CDH12: variants seen among roughly 807,000 people sequenced by gnomAD.
CDH12 encodes the protein cadherin 12.
In CDH12, 41 loss-of-function variants were observed where a neutral mutation model predicts 74.1. That is an observed-to-expected ratio of 0.55 (90% CI 0.43 to 0.72). The LOEUF (loss-of-function observed/expected upper bound fraction) is 0.72, where lower values mean the gene tolerates loss of function less well. Among genes scored for constraint, CDH12 ranks in the 30% least tolerant of loss-of-function variants. The pLI, the probability that CDH12 is intolerant of heterozygous loss-of-function variation, is 0.00. For missense variants in CDH12, 945 were observed against 977.2 expected, an observed-to-expected ratio of 0.97 and a Z score of 0.44; for synonymous variants, 399 against 355.0, an observed-to-expected ratio of 1.12 and a Z score of -1.39.
intron 1 of CDH12, among the ~76,000 whole-genome samples, chr5:22,713,555 C>T (rs943953706): frequency 2.1e-4 from 32 of 151,272 alleles, no homozygotes; most frequent in African/African-American, 7.8e-4. Flanking sequence ...ATGAAAAATG[C>T]TGGAAAAATG....
intron 1 of CDH12, among the ~76,000 whole-genome samples, chr5:22,630,135 G>A (rs1257603340): frequency 6.6e-6 from 1 of 151,970 alleles, no homozygotes; most frequent in Non-Finnish European, 1.5e-5. Flanking sequence ...AAAACATTCA[G>A]TGCTCATGGA....
At chr5:22,042,033 T>C (rs1395897040) in intron 5 of CDH12, among the ~76,000 whole-genome samples, 2 of 151,244 alleles carry the variant, frequency 1.3e-5, no homozygotes, top group Non-Finnish European at 3.0e-5. Context: ...ACACAGAAAA[T>C]CAACAACATA....
intron 2 of CDH12, among the ~76,000 whole-genome samples, chr5:22,450,538 C>A (rs1288102561): frequency 6.6e-6 from 1 of 151,958 alleles, no homozygotes; most frequent in African/African-American, 2.4e-5. Flanking sequence ...ATATCATAGT[C>A]TCACTGTATC....
intron 1 of CDH12, among the ~76,000 whole-genome samples, chr5:22,823,586 C>A (rs1749841955): frequency 2.0e-5 from 3 of 152,028 alleles, no homozygotes; most frequent in Admixed American, 2.0e-4. Flanking sequence ...CATACTAATA[C>A]AAATCCTGAT....
intron 3 of CDH12, among the ~76,000 whole-genome samples, chr5:22,343,953 T>A (rs1236641665): frequency 6.6e-6 from 1 of 152,204 alleles, no homozygotes; most frequent in Admixed American, 6.5e-5. Context: ...TTATTTAGGA[T>A]AACAAGCTGA....
At chr5:21,825,668 A>C (rs1748629770) in intron 8 of CDH12, among the ~76,000 whole-genome samples, 1 of 152,154 alleles carries the variant, frequency 6.6e-6, no homozygotes, top group Non-Finnish European at 1.5e-5. Flanking sequence ...ATCATTGTGT[A>C]GTAAAGTTTC....
chr5:22,568,588 C>A (rs924123792), intron 1 of CDH12, among the ~76,000 whole-genome samples: 2 of 152,068 alleles, frequency 1.3e-5, no homozygotes, highest in Non-Finnish European at 2.9e-5. Flanking sequence ...ATTTTAAAGA[C>A]AACTACTTTA....
chr5:22,795,469 G>C (rs1178915373), intron 1 of CDH12, among the ~76,000 whole-genome samples: 1 of 151,352 alleles, frequency 6.6e-6, no homozygotes, highest in Non-Finnish European at 1.5e-5. Flanking sequence ...CTATCTAATT[G>C]AGCTTTCAGA....
intron 1 of CDH12, among the ~76,000 whole-genome samples, chr5:22,564,319 G>A (rs557605917): frequency 5.9e-5 from 9 of 152,160 alleles, no homozygotes; most frequent in South Asian, 2.1e-4. Flanking sequence ...TTTCTCTATC[G>A]TATGAACTAG....
intron 4 of CDH12, among the ~76,000 whole-genome samples, chr5:22,153,441 T>C (rs1350873753): frequency 6.6e-6 from 1 of 151,844 alleles, no homozygotes; most frequent in African/African-American, 2.4e-5. Flanking sequence ...TATTAGAGTT[T>C]GGAATGGGTC....
intron 2 of CDH12, among the ~76,000 whole-genome samples, chr5:22,437,535 G>A (rs1039362495): frequency 3.0e-5 from 4 of 134,488 alleles, no homozygotes; most frequent in African/African-American, 1.2e-4. Flanking sequence ...CTGTAGCCAA[G>A]TCAGCAATTT....
chr5:21,995,885 G>A (rs962837366), intron 5 of CDH12, among the ~76,000 whole-genome samples: 11 of 151,890 alleles, frequency 7.2e-5, no homozygotes, highest in Non-Finnish European at 1.6e-4. Flanking sequence ...CTTATAAAAT[G>A]TTGAGTACTT....
At chr5:22,000,625 T>C (rs987556671) in intron 5 of CDH12, among the ~76,000 whole-genome samples, 26 of 152,140 alleles carry the variant, frequency 1.7e-4, no homozygotes, top group Non-Finnish European at 3.1e-4. Context: ...ACTTAGAAAG[T>C]GTGTATTGCT....
At chr5:22,499,944 G>T (rs976188606) in intron 2 of CDH12, among the ~76,000 whole-genome samples, 4 of 152,114 alleles carry the variant, frequency 2.6e-5, no homozygotes, top group Non-Finnish European at 4.4e-5. Context: ...ATTGCCAGGG[G>T]ATATTTATAT....
At chr5:22,265,540 T>C (rs1208817835) in intron 3 of CDH12, among the ~76,000 whole-genome samples, 3 of 152,180 alleles carry the variant, frequency 2.0e-5, no homozygotes, top group African/African-American at 7.2e-5. Flanking sequence ...TATTAAAAAT[T>C]GGCCTCATTT....
At chr5:21,938,641 C>T (rs1191101370) in intron 6 of CDH12, among the ~76,000 whole-genome samples, 6 of 146,770 alleles carry the variant, frequency 4.1e-5, no homozygotes, top group Non-Finnish European at 7.4e-5. Context: ...TTTTATCTGT[C>T]ATTTTTGTTG....
chr5:22,691,413 G>A (rs550392869), intron 1 of CDH12, among the ~76,000 whole-genome samples: 1 of 152,258 alleles, frequency 6.6e-6, no homozygotes, highest in South Asian at 2.1e-4. Context: ...TTTGGGACTA[G>A]GACCATGGCT....
chr5:22,486,639 A>G (rs992415174), intron 2 of CDH12, among the ~76,000 whole-genome samples: 21 of 151,768 alleles, frequency 1.4e-4, no homozygotes, highest in Non-Finnish European at 2.9e-5. Context: ...TTTTTGGTAG[A>G]GATGGGGTTT....
chr5:22,064,021 A>AC (rs1741385472), intron 5 of CDH12, among the ~76,000 whole-genome samples: 1 of 145,424 alleles, frequency 6.9e-6, no homozygotes, highest in Non-Finnish European at 1.5e-5. Context: ...ACACACACAC[A>AC]AACACACACA....
Sources: allele counts gnomAD v4.1 joint callset (sites outside exome capture counted in the v4.1 genomes callset), GRCh38; gene constraint gnomAD v4.1.1; transcripts MANE v1.5; gene names NCBI Gene and HGNC (gene_info 2026-07-23, HGNC 2026-07-21).